Variants in MCU observed in about 807,000 individuals in gnomAD.
The protein encoded by MCU is calcium uniporter protein, mitochondrial.
Under a neutral mutation model 45.2 loss-of-function variants are expected in MCU, and 12 were observed. That is an observed-to-expected ratio of 0.27 (90% CI 0.17 to 0.43). The LOEUF (loss-of-function observed/expected upper bound fraction) is 0.43, where lower values mean the gene tolerates loss of function less well. Ranked by LOEUF, MCU falls within the 20% of genes least tolerant of loss-of-function variation. The pLI, the probability that MCU is intolerant of heterozygous loss-of-function variation, is 1.00. For synonymous variants in MCU, 160 were observed against 165.1 expected, an observed-to-expected ratio of 0.97 and a Z score of 0.24; for missense variants, 324 against 436.7, an observed-to-expected ratio of 0.74 and a Z score of 2.30.
intron 1 of MCU, among the ~76,000 whole-genome samples, chr10:72,753,909 A>G (rs556195127): frequency 3.5e-4 from 53 of 152,106 alleles, no homozygotes; most frequent in Non-Finnish European, 6.3e-4. Context: ...AAACACACAC[A>G]CACACAAACC....
chr10:72,751,341 C>CTTCTTTTTT (rs1474252109), intron 1 of MCU, among the ~76,000 whole-genome samples: 1 of 44,752 alleles, frequency 2.2e-5, no homozygotes, highest in African/African-American at 8.4e-5. Context: ...TCTTCTTCTT[C>CTTCTTTTTT]TTTTTTTTTT....
intron 1 of MCU, among the ~76,000 whole-genome samples, chr10:72,752,705 C>G (rs1402565757): frequency 6.6e-6 from 1 of 152,084 alleles, no homozygotes. Context: ...GAACTGGAGA[C>G]CTATTAAAAT....
At chr10:72,885,316 C>G (rs1175435262) in intron 7 of MCU, among the ~76,000 whole-genome samples, 2 of 152,168 alleles carry the variant, frequency 1.3e-5, no homozygotes, top group Non-Finnish European at 2.9e-5. Flanking sequence ...ACACGCTGTT[C>G]CAAAATTCAC....
At chr10:72,747,204 T>C (rs977497952) in intron 1 of MCU, among the ~76,000 whole-genome samples, 19 of 152,200 alleles carry the variant, frequency 1.2e-4, no homozygotes, top group African/African-American at 4.6e-4. Context: ...CATTATGGTC[T>C]TCCAGAATCC....
intron 6 of MCU, among the ~76,000 whole-genome samples, chr10:72,879,223 AC>A (rs1845663769): frequency 6.6e-6 from 1 of 152,210 alleles, no homozygotes; most frequent in Non-Finnish European, 1.5e-5. Context: ...AGATCACACC[AC>A]TGCACTCCAG....
chr10:72,834,492 A>G (rs952803391), intron 2 of MCU, 64 bp downstream of exon 2: 13 of 1,375,002 alleles, frequency 9.5e-6, no homozygotes, highest in African/African-American at 1.4e-5. Context: ...AGTGTTTCCT[A>G]TTCTCTGACA....
chr10:72,834,463 A>G (rs762689561), intron 2 of MCU, 35 bp downstream of exon 2: 4 of 1,561,752 alleles, frequency 2.6e-6, no homozygotes, highest in Non-Finnish European at 3.5e-6. Flanking sequence ...TATGTCTAAT[A>G]TTATTTCCTT....
intron 1 of MCU, among the ~76,000 whole-genome samples, chr10:72,724,256 T>C (rs1360061589): frequency 1.4e-4 from 21 of 152,190 alleles, no homozygotes. Context: ...GCTTACATCT[T>C]TGCCAATACA....
chr10:72,692,620 T>A, intron 1 of MCU: 1 of 1,102,038 alleles, frequency 9.1e-7, no homozygotes, highest in Non-Finnish European at 1.1e-6. Context: ...CCCTCCCTTC[T>A]TCGTTCTTAA....
intron 1 of MCU, among the ~76,000 whole-genome samples, chr10:72,717,908 A>C (rs914513568): frequency 6.6e-6 from 1 of 152,192 alleles, no homozygotes; most frequent in African/African-American, 2.4e-5. Flanking sequence ...TTTTAGATTT[A>C]CAAAAAAATG....
At chr10:72,865,547 A>G (rs2132876854) in intron 4 of MCU, among the ~76,000 whole-genome samples, 1 of 152,102 alleles carries the variant, frequency 6.6e-6, no homozygotes. Flanking sequence ...TTTTAAATTT[A>G]ATTATTTTTC....
intron 1 of MCU, among the ~76,000 whole-genome samples, chr10:72,805,136 T>TTTCTTTCC: frequency 7.1e-6 from 1 of 139,964 alleles, no homozygotes; most frequent in Non-Finnish European, 1.5e-5. Flanking sequence ...TCTTTCTTTC[T>TTTCTTTCC]TTCTTTCTTT....
intron 1 of MCU, among the ~76,000 whole-genome samples, chr10:72,755,524 C>A (rs2132715642): frequency 6.6e-6 from 1 of 152,290 alleles, no homozygotes; most frequent in African/African-American, 2.4e-5. Context: ...TTATACCTAT[C>A]CAATGAGTTG....
At chr10:72,853,993 G>A (rs1188258561) in intron 2 of MCU, among the ~76,000 whole-genome samples, 1 of 152,138 alleles carries the variant, frequency 6.6e-6, no homozygotes, top group Non-Finnish European at 1.5e-5. Flanking sequence ...AATTTGCTAA[G>A]TGTGGTGGTG....
intron 1 of MCU, among the ~76,000 whole-genome samples, chr10:72,784,045 C>A (rs1407207270): frequency 1.3e-5 from 2 of 152,164 alleles, no homozygotes; most frequent in African/African-American, 2.4e-5. Context: ...GCTGCTTGAT[C>A]CAAGTGAAGC....
chr10:72,750,574 A>G (rs1843479894), intron 1 of MCU, among the ~76,000 whole-genome samples: 1 of 152,184 alleles, frequency 6.6e-6, no homozygotes, highest in Admixed American at 6.5e-5. Context: ...TACATTTTCA[A>G]GAAGTAGGTA....
At chr10:72,831,191 A>T (rs1844872929) in intron 1 of MCU, among the ~76,000 whole-genome samples, 1 of 152,244 alleles carries the variant, frequency 6.6e-6, no homozygotes, top group South Asian at 2.1e-4. Context: ...AAAGATGAGG[A>T]AATAAATGAT....
At chr10:72,740,832 G>GGGAGATGA (rs1843318264) in intron 1 of MCU, among the ~76,000 whole-genome samples, 1 of 152,172 alleles carries the variant, frequency 6.6e-6, no homozygotes, top group African/African-American at 2.4e-5. Flanking sequence ...TGTGACAGAG[G>GGGAGATGA]GGAGATGAGA....
chr10:72,787,045 G>A (rs1043851321), intron 1 of MCU, among the ~76,000 whole-genome samples: 6 of 152,184 alleles, frequency 3.9e-5, no homozygotes, highest in South Asian at 2.1e-4. Context: ...CGCTTAAAGG[G>A]TAAATTTCTA....
Sources: gnomAD v4.1 joint callset for allele counts (sites outside exome capture counted in the v4.1 genomes callset) on GRCh38, gnomAD v4.1.1 for gene constraint, MANE v1.5 for transcripts, NCBI Gene and HGNC (gene_info 2026-07-23, HGNC 2026-07-21) for gene names.